The following NUP155 variants were observed in gnomAD, a reference collection of about 807,000 sequenced individuals.
NUP155 encodes the protein nucleoporin 155.
Under a neutral mutation model 180.4 loss-of-function variants are expected in NUP155, and 71 were observed. The observed-to-expected ratio is 0.39, with a 90% CI of 0.33 to 0.48. The LOEUF is 0.48. Among genes scored for constraint, NUP155 ranks in the 20% least tolerant of loss-of-function variants. The pLI is 0.91. For missense variants in NUP155, 1,553 were observed against 1,648.9 expected (o/e 0.94, Z 1.01); for synonymous variants, 582 against 559.5 (o/e 1.04, Z -0.57).
chr5:37,354,703 C>T (rs1746699443), intron 4 of NUP155, among the ~76,000 whole-genome samples: 1 of 151,732 alleles, frequency 6.6e-6, no homozygotes, highest in South Asian at 2.1e-4. Flanking sequence ...GTGATCTGCT[C>T]GCCTCAGCCT....
At chr5:37,314,005 G>GT (rs923421535) in intron 22 of NUP155, among the ~76,000 whole-genome samples, 193 bp downstream of exon 22, 9 of 152,114 alleles carry the variant, frequency 5.9e-5, no homozygotes, top group Non-Finnish European at 1.5e-5. Context: ...ATACCCACAA[G>GT]TAAAAACTTG....
intron 30 of NUP155, 130 bp from the exon 31 acceptor site, chr5:37,299,698 A>G: frequency 1.1e-6 from 1 of 939,316 alleles, no homozygotes; most frequent in Admixed American, 2.0e-5. Context: ...TGATATAAAG[A>G]TGTGATGATG....
intron 24 of NUP155, among the ~76,000 whole-genome samples, chr5:37,307,832 G>C (rs115083361): frequency 0.033 from 5,027 of 151,100 alleles, 112 homozygotes; most frequent in Non-Finnish European, 0.053. Context: ...TGAGGCAGGA[G>C]AATCACTTGA....
At chr5:37,349,015 C>G (rs186876713) in intron 8 of NUP155, among the ~76,000 whole-genome samples, 157 bp downstream of exon 8, 1 of 151,548 alleles carries the variant, frequency 6.6e-6, no homozygotes, top group East Asian at 1.9e-4. Flanking sequence ...CTTGGCCTCC[C>G]AAAGTGCTGG....
chr5:37,336,462 A>G (rs1423672488), intron 12 of NUP155, among the ~76,000 whole-genome samples: 1 of 152,076 alleles, frequency 6.6e-6, no homozygotes, highest in Non-Finnish European at 1.5e-5. Context: ...AAAAGTTAAC[A>G]TTTATGGAAT....
chr5:37,323,957 A>G, intron 20 of NUP155, 35 bp downstream of exon 20: 1 of 1,397,202 alleles, frequency 7.2e-7, no homozygotes, highest in Non-Finnish European at 1.0e-6. Context: ...CAACGAAAAG[A>G]AAAAGATGAA....
intron 11 of NUP155, among the ~76,000 whole-genome samples, chr5:37,340,688 A>G (rs1399805493): frequency 6.6e-6 from 1 of 152,238 alleles, no homozygotes; most frequent in Non-Finnish European, 1.5e-5. Flanking sequence ...AGATAACCAC[A>G]TGCAGAAGGA....
At position 37,327,691 on chromosome 5, in the gene NUP155, T is replaced by C; in HGVS notation, c.1962A>G (p.Gly654=). Residue 654 remains glycine (G), a synonymous_variant, in exon 18 of 35, where the codon GGA becomes GGG. Transcript: ENST00000231498. ...GTTTTCCAGAGTACACAATCTCTGG[T>C]CCAGTCACACAACTCATATTTGTGG... ...TQATNMSCVT[G]PEIVYSGKHN... is the part of the protein sequence containing the mutation. The C allele has an allele frequency of 6.2e-7, 1 of 1,614,136 alleles. No homozygotes were observed. Among genetic ancestry groups the C allele is most frequent in the South Asian group, 1.1e-5 (1 of 91,078 alleles).
At chr5:37,333,311 C>A in intron 13 of NUP155, 152 bp downstream of exon 13, 1 of 707,974 alleles carries the variant, frequency 1.4e-6, no homozygotes, top group Non-Finnish European at 2.5e-6. Flanking sequence ...GCTGAGATCA[C>A]ACCACTGCAC....
Position 37,317,973 on chromosome 5 carries a change from G to A in NUP155, c.2305+15C>T, listed in dbSNP as rs1174867239. The A allele has an allele frequency of 6.9e-7, 1 of 1,451,308 alleles. No individual in the cohort carries two copies. Among genetic ancestry groups the A allele is most frequent in the Non-Finnish European group, 9.7e-7 (1 of 1,031,254 alleles). The allele number at this position is 1,451,308 out of a possible 1,614,324, so 89.9% of individuals were successfully genotyped here. A position where few individuals can be genotyped will look rare whatever the true frequency, so the allele number is the denominator to read the frequency against. On this transcript the variant is annotated intron_variant, in intron 21 of 34. Coordinates refer to ENST00000231498, the MANE Select transcript of NUP155 (RefSeq NM_153485.3). Reference sequence around the variant, plus strand: ...GAGGTCATGTACGCTTAACTGATGAGAAGCAATAATTTACCATGAAACTTC... The same window carrying A: ...GAGGTCATGTACGCTTAACTGATGAAAAGCAATAATTTACCATGAAACTTC...
At chr5:37,363,819 A>C in intron 3 of NUP155, 69 bp downstream of exon 3, 1 of 1,023,402 alleles carries the variant, frequency 9.8e-7, no homozygotes, top group Admixed American at 1.7e-5. Context: ...TTCTAATGAG[A>C]ACACTAGCTA....
At chr5:37,333,363 A>G in intron 13 of NUP155, 100 bp downstream of exon 13, 1 of 1,118,806 alleles carries the variant, frequency 8.9e-7, no homozygotes, top group Non-Finnish European at 1.4e-6. Context: ...CAAAAAAAAA[A>G]GAAAGAAAAT....
At chr5:37,295,707 C>T (rs1445336542) in intron 32 of NUP155, among the ~76,000 whole-genome samples, 9 of 148,642 alleles carry the variant, frequency 6.1e-5, no homozygotes, top group Non-Finnish European at 8.9e-5. Context: ...TCGCCCCGTC[C>T]GGGATGTGAG....
Position 37,314,051 on chromosome 5 carries a change from C to CT in NUP155, c.2436+146dup, listed in dbSNP as rs1227908790. On this transcript the variant is annotated intron_variant, in intron 22 of 34. Transcript: ENST00000231498. ...AAAATAGGTCCCCCAAGTTGGTACG[C>CT]TTTTTTTGTGCCATCTTCCCATAAC... 10 of 632,550 alleles carry CT rather than the reference C, an allele frequency of 1.6e-5. No homozygotes were observed. The East Asian group carries it at 2.0e-4, about 13-fold the overall frequency. The allele number at this position is 632,550 out of a possible 1,614,324, so 39.2% of individuals were successfully genotyped here.
intron 32 of NUP155, among the ~76,000 whole-genome samples, chr5:37,295,758 A>AC (rs1262948777): frequency 7.7e-6 from 1 of 130,164 alleles, no homozygotes; most frequent in Non-Finnish European, 1.6e-5. Context: ...AAGTGAGGAG[A>AC]CCCTCTGCCT....
intron 20 of NUP155, among the ~76,000 whole-genome samples, chr5:37,322,973 CA>C (rs112690914): frequency 5.5e-5 from 8 of 145,752 alleles, no homozygotes; most frequent in Non-Finnish European, 7.6e-5. Flanking sequence ...AACTCCGTCT[CA>C]AAAAAAAAAC....
At chr5:37,320,997 T>C (rs1002888862) in intron 20 of NUP155, among the ~76,000 whole-genome samples, 1 of 151,846 alleles carries the variant, frequency 6.6e-6, no homozygotes, top group East Asian at 1.9e-4. Flanking sequence ...AATAAGGAAA[T>C]GGGAAAGGGA....
chr5:37,353,686 A>C (rs1054897334), intron 4 of NUP155, among the ~76,000 whole-genome samples: 2 of 152,224 alleles, frequency 1.3e-5, no homozygotes, highest in African/African-American at 4.8e-5. Context: ...GCCAGTCACA[A>C]AATGACCAAT....
rs1742211000 is a variant in NUP155 at position 37,291,074 on chromosome 5, G to A, written c.*826C>T. 1 of 152,176 alleles carries A rather than the reference G, an allele frequency of 6.6e-6. No homozygotes were observed. The highest frequency in any genetic ancestry group is 1.5e-5 in the Non-Finnish European group (1 of 68,042). The allele number at this position is 152,176 out of a possible 1,614,324, so 9.4% of individuals were successfully genotyped here. A position where few individuals can be genotyped will look rare whatever the true frequency, so the allele number is the denominator to read the frequency against. ...TATCACCTGCTCAACCAGGTATATA[G>A]CTATGTCAATTCTCAAGGGCTTTAA... On this transcript the variant is annotated 3_prime_UTR_variant, in exon 35 of 35. Coordinates refer to ENST00000231498, the MANE Select transcript of NUP155 (RefSeq NM_153485.3).
Sources: gnomAD v4.1 joint callset for allele counts (sites outside exome capture counted in the v4.1 genomes callset) on GRCh38, gnomAD v4.1.1 for gene constraint, MANE v1.5 for transcripts, NCBI Gene and HGNC (gene_info 2026-07-23, HGNC 2026-07-21) for gene names.